Variants in SCAF8 observed in about 807,000 individuals in gnomAD.
The protein encoded by SCAF8 is SR-related CTD associated factor 8.
SCAF8 carries 23 observed loss-of-function variants against 140.5 expected under a neutral mutation model. That is an observed-to-expected ratio of 0.16 (90% CI 0.12 to 0.23). SCAF8 has a LOEUF of 0.23. SCAF8 is among the 10% of genes least tolerant of loss of function. The pLI is 1.00. For synonymous variants in SCAF8, 575 were observed against 528.9 expected, an observed-to-expected ratio of 1.09 and a Z score of -1.20; for missense variants, 1,397 against 1,555.7, an observed-to-expected ratio of 0.90 and a Z score of 1.72.
chr6:154,834,226 G>T (rs1169188993), downstream of SCAF8: 1 of 152,154 alleles, frequency 6.6e-6, no homozygotes, highest in Non-Finnish European at 1.5e-5. Context: ...TCCTCAGTAT[G>T]TGTATAATAT....
At chr6:154,805,058 A>AT (rs1397729227) in intron 8 of SCAF8, among the ~76,000 whole-genome samples, 1 of 152,088 alleles carries the variant, frequency 6.6e-6, no homozygotes, top group Non-Finnish European at 1.5e-5. Flanking sequence ...AAATATTGAG[A>AT]TTTTCTTAAT....
intron 3 of SCAF8, among the ~76,000 whole-genome samples, chr6:154,779,313 A>G (rs1327741619): frequency 1.3e-5 from 2 of 152,238 alleles, no homozygotes; most frequent in Non-Finnish European, 2.9e-5. Context: ...CTGGGATTAT[A>G]GGCGTGAGCC....
intron 6 of SCAF8, among the ~76,000 whole-genome samples, chr6:154,798,808 GTTTGTT>G (rs1777684310): frequency 6.6e-6 from 1 of 151,042 alleles, no homozygotes; most frequent in South Asian, 2.1e-4. Flanking sequence ...TGTTTTGTTT[GTTTGTT>G]TTTGAGACAG....
chr6:154,740,625 C>CTT (rs66980794), intron 1 of SCAF8, among the ~76,000 whole-genome samples: 35,184 of 138,376 alleles, frequency 0.25, 5,078 homozygotes, highest in East Asian at 0.63. Flanking sequence ...TTTTCTTTTT[C>CTT]TTTTTTTTTT....
chr6:154,745,939 G>T (rs964341902), intron 1 of SCAF8, among the ~76,000 whole-genome samples: 2 of 152,142 alleles, frequency 1.3e-5, no homozygotes, highest in South Asian at 4.1e-4. Flanking sequence ...AGGCTAGAGT[G>T]CAGTGGCTTG....
In SCAF8 at chr6:154,778,100, C is replaced by G. The variant is rs1038924067; in HGVS notation, c.159+55C>G. 5.1e-6 allele frequency: 5 copies of G among 988,670 alleles called. No individual in the cohort carries two copies. The Admixed American group carries it at 1.1e-4, about 23-fold the overall frequency. The allele number at this position is 988,670 out of a possible 1,614,324, so 61.2% of individuals were successfully genotyped here. Reference sequence around the variant, plus strand: ...GTAATTGTAGATTAATGCCTGTACTCTTCTCCTTTAGATCAAATACCCAAG... The same window carrying G: ...GTAATTGTAGATTAATGCCTGTACTGTTCTCCTTTAGATCAAATACCCAAG... On this transcript the variant is annotated intron_variant, in intron 3 of 19. Transcript: ENST00000367178.
At chr6:154,817,627 C>A (rs1778291652) in intron 13 of SCAF8, among the ~76,000 whole-genome samples, 1 of 152,106 alleles carries the variant, frequency 6.6e-6, no homozygotes, top group African/African-American at 2.4e-5. Context: ...AGATATATTT[C>A]TCTTTTAATA....
chr6:154,816,973 A>C (rs996636259), intron 13 of SCAF8, among the ~76,000 whole-genome samples: 2 of 152,154 alleles, frequency 1.3e-5, no homozygotes, highest in Non-Finnish European at 2.9e-5. Context: ...CAACTTGGGT[A>C]CTTCAGATTT....
intron 1 of SCAF8, among the ~76,000 whole-genome samples, chr6:154,747,802 G>T (rs980253144): frequency 6.6e-6 from 1 of 151,850 alleles, no homozygotes; most frequent in Non-Finnish European, 1.5e-5. Context: ...ACCACGTGCA[G>T]ATACTATTTT....
chr6:154,780,308 C>A (rs1389371458), intron 3 of SCAF8, among the ~76,000 whole-genome samples: 2 of 148,668 alleles, frequency 1.3e-5, no homozygotes, highest in Non-Finnish European at 3.0e-5. Flanking sequence ...CAGCGTAATT[C>A]TTTTGAGATC....
intron 12 of SCAF8, among the ~76,000 whole-genome samples, chr6:154,813,779 A>G (rs1258013509): frequency 6.6e-6 from 1 of 152,162 alleles, no homozygotes; most frequent in East Asian, 1.9e-4. Context: ...GAGGGAAGCA[A>G]GTACGTTGAA....
At position 154,770,388 on chromosome 6, in the gene SCAF8, A is replaced by ACTCTCT. The variant is rs58596375; in HGVS notation, c.31-3570_31-3565dup. On this transcript the variant is annotated intron_variant, in intron 1 of 19. Transcript: ENST00000367178. Reference sequence around the variant, plus strand: ...TTGAGGTACACACACACACACACACACTCTCTCTCTCTCTCTCTCTCTCTC... The same window carrying ACTCTCT: ...TTGAGGTACACACACACACACACACACTCTCTCTCTCTCTCTCTCTCTCTCTCTCTC... Among the ~76,000 whole-genome samples the ACTCTCT allele has an allele frequency of 3.8e-3, 535 of 141,986 alleles. 3 individuals carry two copies. Among genetic ancestry groups the ACTCTCT allele is most frequent in the Non-Finnish European group, 6.6e-3 (423 of 64,516 alleles). 93.1% of individuals were successfully genotyped at this position (141,986 alleles called of 152,430 possible). A position where few individuals can be genotyped will look rare whatever the true frequency, so the allele number is the denominator to read the frequency against.
Position 154,832,855 on chromosome 6 carries a change from C to G in SCAF8, c.3276C>G (p.Pro1092=). The G allele has an allele frequency of 6.2e-7, 1 of 1,613,966 alleles. No individual in the cohort carries two copies. The highest frequency in any genetic ancestry group is 8.5e-7 in the Non-Finnish European group (1 of 1,179,982). ...RDHFGFNPEK[P]WGHRGDFDER... ...ACTTTGGCTTTAATCCAGAGAAGCC[C>G]TGGGGGCATAGAGGAGATTTTGATG... The change falls in exon 20 of 20, where the codon CCC becomes CCG. Residue 1092 remains proline (P), a synonymous_variant. Coordinates refer to ENST00000367178, the MANE Select transcript of SCAF8 (RefSeq NM_014892.5).
At chr6:154,830,530 A>G (rs893212082) in intron 18 of SCAF8, among the ~76,000 whole-genome samples, 11 of 152,202 alleles carry the variant, frequency 7.2e-5, no homozygotes, top group Non-Finnish European at 1.6e-4. Context: ...ACCCTAGTAC[A>G]TTGTAATTGC....
intron 3 of SCAF8, among the ~76,000 whole-genome samples, chr6:154,783,081 T>A (rs1777131423): frequency 6.6e-6 from 1 of 152,232 alleles, no homozygotes; most frequent in Non-Finnish European, 1.5e-5. Flanking sequence ...TAAATTTTAT[T>A]TTGAGCCAGA....
At position 154,818,210 on chromosome 6, in the gene SCAF8, T is replaced by C. The variant is rs562933111; in HGVS notation, c.1522-269T>C. On this transcript the variant is annotated intron_variant, in intron 13 of 19. Coordinates refer to ENST00000367178, the MANE Select transcript of SCAF8 (RefSeq NM_014892.5). Reference sequence around the variant, plus strand: ...GTTCTTTTTCTGTATTCAGAAAATATTGCCATGTGATATTTAAGATTTCAC... The same window carrying C: ...GTTCTTTTTCTGTATTCAGAAAATACTGCCATGTGATATTTAAGATTTCAC... 6.6e-5 allele frequency among the ~76,000 whole-genome samples: 10 copies of C among 152,348 alleles called. 1 individual carries two copies. In the South Asian group the frequency reaches 1.0e-3, roughly 16 times the overall value.
intron 1 of SCAF8, among the ~76,000 whole-genome samples, chr6:154,734,939 G>A (rs1185043849): frequency 2.0e-5 from 3 of 152,004 alleles, no homozygotes; most frequent in Non-Finnish European, 4.4e-5. Flanking sequence ...CCTGGCCAAC[G>A]TGGTGAAACC....
chr6:154,739,914 T>A (rs1021517561), intron 1 of SCAF8, among the ~76,000 whole-genome samples: 22 of 152,228 alleles, frequency 1.4e-4, no homozygotes, highest in African/African-American at 4.8e-4. Context: ...CATGTGAAAT[T>A]TGTTTTTAGT....
intron 3 of SCAF8, among the ~76,000 whole-genome samples, chr6:154,787,634 A>G (rs1777292034): frequency 6.6e-6 from 1 of 152,252 alleles, no homozygotes; most frequent in South Asian, 2.1e-4. Context: ...CATTGAAGCC[A>G]GTTACATAGT....
Sources: gnomAD v4.1 joint callset for allele counts (sites outside exome capture counted in the v4.1 genomes callset) on GRCh38, gnomAD v4.1.1 for gene constraint, MANE v1.5 for transcripts, NCBI Gene and HGNC (gene_info 2026-07-23, HGNC 2026-07-21) for gene names.